The following KPNA2 variants were observed in gnomAD, a reference collection of about 807,000 sequenced individuals.
KPNA2 encodes karyopherin subunit alpha 2.
In KPNA2, 20 loss-of-function variants were observed where a neutral mutation model predicts 53.7. The ratio of observed to expected loss-of-function variants is 0.37; its 90% CI spans 0.26 to 0.54. The LOEUF (loss-of-function observed/expected upper bound fraction) is 0.54. Among genes scored for constraint, KPNA2 ranks in the 20% least tolerant of loss-of-function variants. The pLI is 0.83. For missense variants in KPNA2, 515 were observed against 640.3 expected, an observed-to-expected ratio of 0.80 and a Z score of 2.11; for synonymous variants, 238 against 227.5, an observed-to-expected ratio of 1.05 and a Z score of -0.42.
At chr17:68,040,133 C>A (rs1277003914) in intron 3 of KPNA2, among the ~76,000 whole-genome samples, 4 of 151,924 alleles carry the variant, frequency 2.6e-5, no homozygotes, top group South Asian at 2.1e-4. Context: ...TCATGTCTTT[C>A]TCCCTCAAAG....
At chr17:68,041,781 C>T (rs1282602948) in intron 4 of KPNA2, among the ~76,000 whole-genome samples, 1 of 152,130 alleles carries the variant, frequency 6.6e-6, no homozygotes, top group Non-Finnish European at 1.5e-5. Flanking sequence ...GAGTATAACC[C>T]TGTCAGAATG....
At chr17:68,043,502 G>A (rs35594666) in intron 7 of KPNA2, 139 bp downstream of exon 7, 523,826 of 779,784 alleles carry the variant, frequency 0.67, 183,299 homozygotes, top group Non-Finnish European at 0.74. Flanking sequence ...TCAGGAGTTC[G>A]AGACCAGCCT....
chr17:68,039,051 GACTTA>G (rs1484429585), intron 3 of KPNA2, among the ~76,000 whole-genome samples: 65 of 152,202 alleles, frequency 4.3e-4, no homozygotes, highest in African/African-American at 1.5e-3. Flanking sequence ...CCATAAAGTA[GACTTA>G]ACTTAGATTT....
rs1555704897 is a variant in KPNA2, at chr17:68,043,220, G to C, written c.787G>C (p.Asp263His). ...LPTLVRLLHH[D>H]DPEVLADTCW... is the part of the protein sequence containing the mutation. The stretch of plus-strand genomic sequence containing the variant: ...TACCTTAGTTCGGCTCCTGCATCAT[G>C]ATGATCCAGAAGTATTAGCAGATAC... The change falls in exon 7 of 11, where the codon GAT (aspartate) becomes CAT (histidine). Residue 263 changes from aspartate (D) to histidine (H), a missense_variant. By Grantham distance (81) the Asp-to-His change is moderately conservative (BLOSUM62 -1). Coordinates refer to ENST00000330459, the MANE Select transcript of KPNA2 (RefSeq NM_002266.4). 9 of 1,614,114 alleles carry C rather than the reference G, an allele frequency of 5.6e-6. No individual in the cohort carries two copies. The highest frequency in any genetic ancestry group is 1.7e-5 in the Admixed American group (1 of 60,016).
rs1420965390 is a variant in KPNA2, at chr17:68,035,772, A to G, written c.-92A>G. 2.0e-5 allele frequency: 3 copies of G among 152,050 alleles called. No homozygotes were observed. Among genetic ancestry groups the G allele is most frequent in the African/African-American group, 7.3e-5 (3 of 41,294 alleles). 9.4% of individuals were successfully genotyped at this position (152,050 alleles called of 1,614,324 possible). ...AGCTGAGTCGAGGTGGACCCTTTGA[A>G]CGCAGTCGCCCTACAGCCGCTGATT... On this transcript the variant is annotated 5_prime_UTR_variant, in exon 1 of 11. Transcript: ENST00000330459.
At chr17:68,045,182 TTTC>T (rs1289554177) in intron 9 of KPNA2, among the ~76,000 whole-genome samples, 1 of 152,148 alleles carries the variant, frequency 6.6e-6, no homozygotes, top group Non-Finnish European at 1.5e-5. Flanking sequence ...GTGGCCAGTA[TTTC>T]TTCTTCCCCT....
At chr17:68,037,937 T>C (rs1163802697) in intron 3 of KPNA2, among the ~76,000 whole-genome samples, 1 of 152,086 alleles carries the variant, frequency 6.6e-6, no homozygotes, top group Non-Finnish European at 1.5e-5. Context: ...TAGCTGGGAT[T>C]ATGGGTGCGC....
chr17:68,040,674 C>G lies in KPNA2; in HGVS notation c.214-4C>G. ...TAATGTGCAAACTTTCACTTTTCTTCTAGGGCACTGTAAATTGGTCTGTTG... is the reference window on the plus strand; with the variant it reads ...TAATGTGCAAACTTTCACTTTTCTTGTAGGGCACTGTAAATTGGTCTGTTG... On this transcript the variant is annotated splice_region_variant and splice_polypyrimidine_tract_variant and intron_variant, in intron 3 of 10. Transcript: ENST00000330459. 3.1e-6 allele frequency: 5 copies of G among 1,597,718 alleles called. No individual in the cohort carries two copies. Among genetic ancestry groups the G allele is most frequent in the Non-Finnish European group, 4.3e-6 (5 of 1,166,632 alleles).
rs2071199150 is a variant in KPNA2, at chr17:68,037,126, C to T, written c.-7C>T. On this transcript the variant is annotated 5_prime_UTR_variant, in exon 2 of 11. Transcript: ENST00000330459. ...ATCTTTTAGCTTTCTCCCTTTGTCTCATAACCATGTCCACCAACGAGAATG... is the reference window on the plus strand; with the variant it reads ...ATCTTTTAGCTTTCTCCCTTTGTCTTATAACCATGTCCACCAACGAGAATG... 4 of 1,608,414 alleles carry T rather than the reference C, an allele frequency of 2.5e-6. No homozygotes were observed. Among genetic ancestry groups the T allele is most frequent in the Non-Finnish European group, 3.4e-6 (4 of 1,176,860 alleles).
intron 4 of KPNA2, 60 bp downstream of exon 4, chr17:68,040,826 T>TC: frequency 1.1e-6 from 1 of 946,038 alleles, no homozygotes; most frequent in Non-Finnish European, 1.6e-6. Flanking sequence ...AGATTTTTTT[T>TC]TGGGGGGTGG....
In KPNA2 at chr17:68,042,304, C is replaced by T. The variant is rs149130880; in HGVS notation, c.522C>T (p.Pro174=). The change falls in exon 5 of 11, where the codon CCC becomes CCT. Residue 174 remains proline, a synonymous_variant. Coordinates refer to ENST00000330459, the MANE Select transcript of KPNA2 (RefSeq NM_002266.4). ...IPAFISLLAS[P]HAHISEQAVW... ...CATTCATTTCTCTGTTGGCATCTCC[C>T]CATGCTCACATCAGTGAACAAGCTG... 29 of 1,614,012 alleles carry T rather than the reference C, an allele frequency of 1.8e-5. No individual in the cohort carries two copies. The African/African-American group carries it at 2.9e-4, about 16-fold the overall frequency.
chr17:68,045,716 T>A (rs2071320178), intron 9 of KPNA2, 56 bp from the exon 10 acceptor site: 1 of 1,291,192 alleles, frequency 7.7e-7, no homozygotes, highest in Admixed American at 2.4e-5. Flanking sequence ...GATGTTTTCT[T>A]CATTAAAATA....
rs782076077 is a variant in KPNA2 at position 68,043,218 on chromosome 17, A to G, written c.785A>G (p.His262Arg). The G allele has an allele frequency of 2.5e-6, 4 of 1,614,072 alleles. No individual in the cohort carries two copies. Among genetic ancestry groups the G allele is most frequent in the Admixed American group, 3.3e-5 (2 of 60,006 alleles). ...CCTACCTTAGTTCGGCTCCTGCATCATGATGATCCAGAAGTATTAGCAGAT... is the reference window on the plus strand; with the variant it reads ...CCTACCTTAGTTCGGCTCCTGCATCGTGATGATCCAGAAGTATTAGCAGAT... ...ILPTLVRLLH[H>R]DDPEVLADTC... Residue 262 changes from histidine to arginine, a missense_variant, in exon 7 of 11, where the codon CAT becomes CGT. Coordinates refer to ENST00000330459, the MANE Select transcript of KPNA2 (RefSeq NM_002266.4).
Position 68,035,763 on chromosome 17 carries a change from A to AC in KPNA2, c.-98dup, listed in dbSNP as rs1224991335. 6.6e-6 allele frequency: 1 copy of AC among 151,906 alleles called. No individual in the cohort carries two copies. Among genetic ancestry groups the AC allele is most frequent in the African/African-American group, 2.4e-5 (1 of 41,258 alleles). 9.4% of individuals were successfully genotyped at this position (151,906 alleles called of 1,614,324 possible). A position where few individuals can be genotyped will look rare whatever the true frequency, so the allele number is the denominator to read the frequency against. On this transcript the variant is annotated 5_prime_UTR_variant, in exon 1 of 11. Coordinates refer to ENST00000330459, the MANE Select transcript of KPNA2 (RefSeq NM_002266.4). The stretch of plus-strand genomic sequence containing the variant: ...CGGTCTTTGAGCTGAGTCGAGGTGG[A>AC]CCCTTTGAACGCAGTCGCCCTACAG...
intron 3 of KPNA2, among the ~76,000 whole-genome samples, chr17:68,040,438 C>T (rs759974325): frequency 2.6e-5 from 4 of 151,858 alleles, no homozygotes; most frequent in Non-Finnish European, 4.4e-5. Context: ...CCTTTTTTAG[C>T]GACAAAACAC....
chr17:68,039,547 G>A (rs2071229603), intron 3 of KPNA2, among the ~76,000 whole-genome samples: 1 of 151,882 alleles, frequency 6.6e-6, no homozygotes, highest in Admixed American at 6.5e-5. Flanking sequence ...TTGGGAGGCC[G>A]AGGCAGGTGG....
chr17:68,036,716 A>C (rs1216394587), intron 1 of KPNA2, among the ~76,000 whole-genome samples: 2 of 152,252 alleles, frequency 1.3e-5, no homozygotes, highest in Non-Finnish European at 2.9e-5. Flanking sequence ...GGAGTATGGA[A>C]AAAGAATGTA....
In KPNA2 at chr17:68,043,116, A is replaced by G; in HGVS notation, c.683A>G (p.Asn228Ser). ...MSSLACGYLR[N>S]LTWTLSNLCR... is the part of the protein sequence containing the mutation. ...TTCCCCCAGTGTGGCTACTTACGTAATCTTACCTGGACACTTTCTAATCTT... is the reference window on the plus strand; with the variant it reads ...TTCCCCCAGTGTGGCTACTTACGTAGTCTTACCTGGACACTTTCTAATCTT... The change falls in exon 7 of 11, where the codon AAT (asparagine) becomes AGT (serine). Residue 228 changes from asparagine to serine, a missense_variant. Physicochemically the swap from Asn to Ser is conservative, Grantham distance 46 (BLOSUM62 1). Coordinates refer to ENST00000330459, the MANE Select transcript of KPNA2 (RefSeq NM_002266.4). 6.2e-7 allele frequency: 1 copy of G among 1,613,964 alleles called. No homozygotes were observed. The highest frequency in any genetic ancestry group is 1.1e-5 in the South Asian group (1 of 91,070).
At chr17:68,044,095 C>G (rs781967811) in intron 8 of KPNA2, 24 bp downstream of exon 8, 1 of 1,563,086 alleles carries the variant, frequency 6.4e-7, no homozygotes, top group South Asian at 1.1e-5. Context: ...AGGATTTAAT[C>G]AAGTCATTTT....
Sources: gnomAD v4.1 joint callset for allele counts (sites outside exome capture counted in the v4.1 genomes callset) on GRCh38, gnomAD v4.1.1 for gene constraint, MANE v1.5 for transcripts, NCBI Gene and HGNC (gene_info 2026-07-23, HGNC 2026-07-21) for gene names.